The following TEX11 variants were observed in gnomAD, a reference collection of about 807,000 sequenced individuals.
The protein encoded by TEX11 is testis-expressed protein 11.
In TEX11, 7 loss-of-function variants were observed where a neutral mutation model predicts 84.4. The observed-to-expected ratio is 0.08, with a 90% confidence interval of 0.05 to 0.16. TEX11 has a LOEUF of 0.16. TEX11 is among the 10% of genes least tolerant of loss of function. The probability of loss-of-function intolerance (pLI) is 1.00; values close to 1 mark genes in which losing one functional copy is unlikely to be tolerated. For synonymous variants in TEX11, 264 were observed against 222.8 expected (o/e 1.18, Z -1.64); for missense variants, 551 against 660.5 (o/e 0.83, Z 1.82).
intron 9 of TEX11, among the ~76,000 whole-genome samples, chrX:70,803,787 C>G (rs1206757099): frequency 9.0e-6 from 1 of 111,351 alleles, no homozygotes; most frequent in Non-Finnish European, 1.9e-5. Flanking sequence ...AGCTATTCAT[C>G]TCTGCTTGCA....
chrX:70,826,138 C>T (rs771445263), intron 8 of TEX11, among the ~76,000 whole-genome samples: 2 of 110,258 alleles, frequency 1.8e-5, no homozygotes, highest in African/African-American at 3.3e-5. Flanking sequence ...ACCCCCCCAA[C>T]GTCTCTACTA....
intron 13 of TEX11, among the ~76,000 whole-genome samples, chrX:70,715,162 G>A (rs1190887838): frequency 2.7e-5 from 3 of 109,867 alleles, no homozygotes; most frequent in Non-Finnish European, 5.6e-5. Flanking sequence ...TGAGAGATCA[G>A]CTGTTAGTCT....
chrX:70,817,254 TACACACACACAC>T (rs57325193), intron 8 of TEX11, among the ~76,000 whole-genome samples: 1 of 82,400 alleles, frequency 1.2e-5, no homozygotes, highest in African/African-American at 4.7e-5. Context: ...CATATATATA[TACACACACACAC>T]ACACACACAC....
At chrX:70,714,606 G>T (rs1359649459) in intron 13 of TEX11, among the ~76,000 whole-genome samples, 1 of 111,389 alleles carries the variant, frequency 9.0e-6, no homozygotes. Context: ...CAGAGACTAG[G>T]ATTGCAACCC....
chrX:70,663,848 G>C (rs751162764), intron 16 of TEX11, among the ~76,000 whole-genome samples: 1 of 111,062 alleles, frequency 9.0e-6, no homozygotes, highest in Non-Finnish European at 1.9e-5. Flanking sequence ...TTGTTCCCTC[G>C]TATCTTTAGA....
intron 13 of TEX11, among the ~76,000 whole-genome samples, chrX:70,703,064 G>T (rs1251930447): frequency 2.7e-5 from 3 of 110,714 alleles, no homozygotes; most frequent in Non-Finnish European, 5.7e-5. Context: ...TTATGAAGTA[G>T]GTACTTTGAT....
At chrX:70,882,141 T>C (rs937105244) in intron 2 of TEX11, among the ~76,000 whole-genome samples, 14 of 110,690 alleles carry the variant, frequency 1.3e-4, no homozygotes, top group Middle Eastern at 9.4e-3. Flanking sequence ...TCCTCTAAGA[T>C]TAGGTAAGTA....
chrX:70,515,609 G>C, the TEX11 span, among the ~76,000 whole-genome samples: 642 of 112,215 alleles, frequency 5.7e-3, 3 homozygotes, highest in African/African-American at 0.018. Context: ...ATAGTAGCAT[G>C]ATTTATAATC....
At chrX:70,546,898 A>G (rs2088133690) in intron 28 of TEX11, among the ~76,000 whole-genome samples, 1 of 109,772 alleles carries the variant, frequency 9.1e-6, no homozygotes, top group African/African-American at 3.3e-5. Context: ...GCTCACAAAA[A>G]CACTTGCACA....
At chrX:70,843,979 G>A (rs1435893553) in intron 7 of TEX11, among the ~76,000 whole-genome samples, 2 of 111,202 alleles carry the variant, frequency 1.8e-5, no homozygotes, top group African/African-American at 3.3e-5. Flanking sequence ...TGGAGAGGAT[G>A]TGGAGAAATA....
At chrX:70,816,260 T>C (rs2091285691) in intron 8 of TEX11, among the ~76,000 whole-genome samples, 1 of 112,117 alleles carries the variant, frequency 8.9e-6, no homozygotes, top group Non-Finnish European at 1.9e-5. Flanking sequence ...CATCACCCAT[T>C]ACTCCATGAC....
At chrX:70,516,705 C>T in the TEX11 span, among the ~76,000 whole-genome samples, 1 of 110,302 alleles carries the variant, frequency 9.1e-6, no homozygotes, top group Non-Finnish European at 1.9e-5. Flanking sequence ...TATAAATTAC[C>T]TTGGGCAGTA....
intron 25 of TEX11, among the ~76,000 whole-genome samples, chrX:70,587,108 C>T (rs1304578055): frequency 8.9e-6 from 1 of 111,936 alleles, no homozygotes; most frequent in African/African-American, 3.2e-5. Context: ...GAAATTGGAA[C>T]TTATGTTTAA....
In TEX11 at chrX:70,644,779, G is replaced by C. The variant is rs1167664457; in HGVS notation, c.1483+6671C>G. 4.5e-5 allele frequency among the ~76,000 whole-genome samples: 3 copies of C among 66,782 alleles called. No homozygotes were observed. In the East Asian group the frequency reaches 1.9e-3, roughly 42 times the overall value. 58.0% of individuals were successfully genotyped at this position (66,782 alleles called of 115,157 possible). A position where few individuals can be genotyped will look rare whatever the true frequency, so the allele number is the denominator to read the frequency against. On this transcript the variant is annotated intron_variant, in intron 17 of 29. Coordinates refer to ENST00000374333, the MANE Select transcript of TEX11 (RefSeq NM_031276.3). ...ACACTCTGGGGACTGTTGTGGGGTG[G>C]GGGGAGGGGGGAGGGATAGCATTGG...
At chrX:70,859,662 A>T (rs2147857623) in intron 5 of TEX11, among the ~76,000 whole-genome samples, 1 of 110,864 alleles carries the variant, frequency 9.0e-6, no homozygotes, top group African/African-American at 3.3e-5. Context: ...TTTTCTGAAC[A>T]ATTTAATTTT....
chrX:70,577,947 C>T (rs866103914), intron 25 of TEX11, among the ~76,000 whole-genome samples: 10 of 110,834 alleles, frequency 9.0e-5, no homozygotes, highest in African/African-American at 2.3e-4. Flanking sequence ...AAGCTGGTCT[C>T]GAACTCCTGA....
intron 25 of TEX11, among the ~76,000 whole-genome samples, chrX:70,566,279 G>C (rs2147962397): frequency 1.0e-5 from 1 of 100,056 alleles, no homozygotes; most frequent in South Asian, 5.1e-4. Flanking sequence ...TGCTGAAGTT[G>C]CTTATCAGCT....
At chrX:70,692,767 T>C (rs994110047) in intron 13 of TEX11, among the ~76,000 whole-genome samples, 1 of 111,165 alleles carries the variant, frequency 9.0e-6, no homozygotes, top group Non-Finnish European at 1.9e-5. Context: ...ATATGAATAA[T>C]GCTGTAATCA....
chrX:70,773,031 A>C (rs2090980801), intron 9 of TEX11, among the ~76,000 whole-genome samples: 1 of 110,105 alleles, frequency 9.1e-6, no homozygotes, highest in Admixed American at 9.7e-5. Flanking sequence ...CAACAACAAC[A>C]AAAAAAACAC....
Sources: gnomAD v4.1 joint callset for allele counts (sites outside exome capture counted in the v4.1 genomes callset) on GRCh38, gnomAD v4.1.1 for gene constraint, MANE v1.5 for transcripts, NCBI Gene and HGNC (gene_info 2026-07-23, HGNC 2026-07-21) for gene names.